NUAK1: variants seen among roughly 807,000 people sequenced by gnomAD.
NUAK1 encodes NUAK family SNF1-like kinase 1.
A neutral mutation model predicts 56.9 loss-of-function variants in NUAK1; 26 were observed. The ratio of observed to expected loss-of-function variants is 0.46; its 90% CI spans 0.33 to 0.63. NUAK1 has a LOEUF of 0.63. NUAK1 is among the 30% of genes least tolerant of loss of function. The pLI, the probability that NUAK1 is intolerant of heterozygous loss-of-function variation, is 0.02. For synonymous variants in NUAK1, 337 were observed against 336.0 expected, an observed-to-expected ratio of 1.00 and a Z score of -0.03; for missense variants, 727 against 876.1, an observed-to-expected ratio of 0.83 and a Z score of 2.15.
rs558480990 is a variant in NUAK1 at position 106,107,031 on chromosome 12, C to G, written c.241-506G>C. ...AAGCCTCGGCTTTTAAGACTCCAGG[C>G]TATGCTGTGTTTACGCAAGGGCTCA... is the stretch of plus-strand genomic sequence containing the variant. On this transcript the variant is annotated intron_variant, in intron 1 of 6. Transcript: ENST00000261402. Among the ~76,000 whole-genome samples, 264 of 152,276 alleles carry G rather than the reference C, an allele frequency of 1.7e-3. 1 individual carries two copies. Among genetic ancestry groups the G allele is most frequent in the Non-Finnish European group, 3.1e-3 (214 of 68,022 alleles).
At chr12:106,074,923 C>G (rs1399624531) in intron 4 of NUAK1, among the ~76,000 whole-genome samples, 2 of 152,084 alleles carry the variant, frequency 1.3e-5, no homozygotes, top group Non-Finnish European at 1.5e-5. Flanking sequence ...TGGTTGGAAG[C>G]TTTATGAAGT....
intron 2 of NUAK1, among the ~76,000 whole-genome samples, chr12:106,087,905 G>A (rs576292803): frequency 3.6e-4 from 55 of 152,318 alleles, no homozygotes; most frequent in Non-Finnish European, 6.5e-4. Flanking sequence ...AACTAATGCC[G>A]CAGGTTGCAG....
chr12:106,064,801 CCACA>C lies in NUAK1; in HGVS notation c.*1997_*2000del, dbSNP rs1555222383. 1 of 146,762 alleles carries C rather than the reference CCACA, an allele frequency of 6.8e-6. No individual in the cohort carries two copies. Among genetic ancestry groups the C allele is most frequent in the African/African-American group, 2.5e-5 (1 of 40,092 alleles). 9.1% of individuals were successfully genotyped at this position (146,762 alleles called of 1,614,324 possible). A position where few individuals can be genotyped will look rare whatever the true frequency, so the allele number is the denominator to read the frequency against. On this transcript the variant is annotated 3_prime_UTR_variant, in exon 7 of 7. Transcript: ENST00000261402. ...CATGCACCCACACCCCCACCCCCCC[CCACA>C]CACACAATTTGCTATCTACAGAATT... is the stretch of plus-strand genomic sequence containing the variant.
intron 2 of NUAK1, among the ~76,000 whole-genome samples, chr12:106,090,638 T>C (rs1445137269): frequency 6.6e-6 from 1 of 152,148 alleles, no homozygotes; most frequent in Non-Finnish European, 1.5e-5. Context: ...ATTCCATTAC[T>C]ACTCATATAT....
At chr12:106,133,568 T>A (rs917932195) in intron 1 of NUAK1, among the ~76,000 whole-genome samples, 1 of 152,188 alleles carries the variant, frequency 6.6e-6, no homozygotes, top group African/African-American at 2.4e-5. Flanking sequence ...TATGTGTCAT[T>A]TTCCCCATCT....
chr12:106,092,417 T>G (rs2032644872), intron 2 of NUAK1, among the ~76,000 whole-genome samples: 1 of 151,676 alleles, frequency 6.6e-6, no homozygotes, highest in African/African-American at 2.4e-5. Flanking sequence ...ACTCAGGAGG[T>G]TGAGGGACAA....
Position 106,138,673 on chromosome 12 carries a change from C to T in NUAK1, c.-20G>A, listed in dbSNP as rs748213219. 99 of 1,500,232 alleles carry T rather than the reference C, an allele frequency of 6.6e-5. No homozygotes were observed. The highest frequency in any genetic ancestry group is 6.5e-5 in the Non-Finnish European group (74 of 1,134,742). 92.9% of individuals were successfully genotyped at this position (1,500,232 alleles called of 1,614,324 possible). On this transcript the variant is annotated 5_prime_UTR_variant, in exon 1 of 7. Coordinates refer to ENST00000261402, the MANE Select transcript of NUAK1 (RefSeq NM_014840.3). The surrounding 1 kb of genome is among the most constrained non-coding windows in gnomAD (Gnocchi z 5.0). ...TTCCATGTCCAAGCGCGGGGCGAGC[C>T]GGGCTACAGAGGGCAAGACCGGGCA...
In NUAK1 at chr12:106,138,870, G is replaced by C. The variant is rs1241548055; in HGVS notation, c.-217C>G. 5.7e-6 allele frequency: 3 copies of C among 522,726 alleles called. No homozygotes were observed. Among genetic ancestry groups the C allele is most frequent in the Non-Finnish European group, 8.9e-6 (3 of 338,446 alleles). 32.4% of individuals were successfully genotyped at this position (522,726 alleles called of 1,614,324 possible). On this transcript the variant is annotated 5_prime_UTR_variant, in exon 1 of 7. Transcript: ENST00000261402. The surrounding 1 kb of genome is among the most constrained non-coding windows in gnomAD (Gnocchi z 5.0). ...GCGCACGGTCCGCGCACCGCCCCCC[G>C]GCCGCGGCGAGCTGTGGAGCGTCGG... is the stretch of plus-strand genomic sequence containing the variant.
At chr12:106,114,339 C>A (rs2032895299) in intron 1 of NUAK1, among the ~76,000 whole-genome samples, 1 of 152,202 alleles carries the variant, frequency 6.6e-6, no homozygotes, top group African/African-American at 2.4e-5. Context: ...GCAACCCAGC[C>A]AAGGCGACTC....
intron 1 of NUAK1, among the ~76,000 whole-genome samples, chr12:106,115,437 C>T (rs561978271): frequency 6.6e-6 from 1 of 152,308 alleles, no homozygotes; most frequent in South Asian, 2.1e-4. Flanking sequence ...CAAGACCTAT[C>T]AGATAGGGCG....
At chr12:106,097,016 C>T (rs1223171323) in intron 2 of NUAK1, among the ~76,000 whole-genome samples, 1 of 152,198 alleles carries the variant, frequency 6.6e-6, no homozygotes, top group Non-Finnish European at 1.5e-5. Context: ...TCTACTCCAG[C>T]CAGAAAGGAC....
At chr12:106,122,236 T>C (rs2032985253) in intron 1 of NUAK1, among the ~76,000 whole-genome samples, 1 of 152,118 alleles carries the variant, frequency 6.6e-6, no homozygotes, top group Admixed American at 6.5e-5. Flanking sequence ...GAACTTTGAT[T>C]CCAAGCAACT....
At chr12:106,120,940 C>T (rs1051788158) in intron 1 of NUAK1, among the ~76,000 whole-genome samples, 1 of 152,220 alleles carries the variant, frequency 6.6e-6, no homozygotes, top group Non-Finnish European at 1.5e-5. Flanking sequence ...GCCAGTGGCT[C>T]TCAGCCCTAG....
intron 1 of NUAK1, among the ~76,000 whole-genome samples, chr12:106,134,102 A>G (rs1340168614): frequency 6.6e-6 from 1 of 152,246 alleles, no homozygotes; most frequent in Non-Finnish European, 1.5e-5. Context: ...TCTAAGATCC[A>G]GCTCCGTCAT....
At chr12:106,073,804 C>T (rs189024966) in intron 4 of NUAK1, among the ~76,000 whole-genome samples, 3 of 151,424 alleles carry the variant, frequency 2.0e-5, no homozygotes, top group Non-Finnish European at 2.9e-5. Flanking sequence ...GGCGACAAAG[C>T]GAGATTCAAT....
At chr12:106,136,069 C>T (rs2033126844) in intron 1 of NUAK1, among the ~76,000 whole-genome samples, 1 of 152,198 alleles carries the variant, frequency 6.6e-6, no homozygotes, top group Non-Finnish European at 1.5e-5. Flanking sequence ...CTTCCCCAAA[C>T]CTCAGTTTTC....
intron 1 of NUAK1, among the ~76,000 whole-genome samples, chr12:106,113,968 A>G (rs532416464): frequency 2.2e-4 from 34 of 152,294 alleles, no homozygotes; most frequent in African/African-American, 8.2e-4. Flanking sequence ...TCAAAGAAAG[A>G]CTGAAAATGC....
At chr12:106,093,482 C>A (rs565402540) in intron 2 of NUAK1, among the ~76,000 whole-genome samples, 2 of 152,340 alleles carry the variant, frequency 1.3e-5, no homozygotes, top group East Asian at 3.9e-4. Context: ...CACAACCAGG[C>A]TAATGACCCA....
chr12:106,097,515 G>A (rs571012195), intron 2 of NUAK1, among the ~76,000 whole-genome samples: 1 of 152,288 alleles, frequency 6.6e-6, no homozygotes, highest in South Asian at 2.1e-4. Context: ...GCCATTCCCT[G>A]CCTTCAAAAG....
Sources: gnomAD v4.1 joint callset for allele counts (sites outside exome capture counted in the v4.1 genomes callset) on GRCh38, gnomAD v4.1.1 for gene constraint, Gnocchi (gnomAD v3.1) non-coding constraint, MANE v1.5 for transcripts, NCBI Gene and HGNC (gene_info 2026-07-23, HGNC 2026-07-21) for gene names.